WDR72: variants seen among roughly 807,000 people sequenced by gnomAD.
WDR72 encodes the protein WD repeat-containing protein 72.
In WDR72, 120 loss-of-function variants were observed where a neutral mutation model predicts 124.2. The observed-to-expected ratio is 0.97, with a 90% CI of 0.83 to 1.12. The LOEUF is 1.12. Among genes scored for constraint, WDR72 ranks in the 50% most tolerant of loss-of-function variants. The pLI, the probability that WDR72 is intolerant of heterozygous loss-of-function variation, is 0.00. For synonymous variants in WDR72, 452 were observed against 441.7 expected (o/e 1.02, Z -0.29); for missense variants, 1,387 against 1,278.8 (o/e 1.08, Z -1.29).
intron 1 of WDR72, among the ~76,000 whole-genome samples, chr15:53,757,830 C>CT (rs1401649162): frequency 6.6e-6 from 1 of 152,038 alleles, no homozygotes; most frequent in African/African-American, 2.4e-5. Context: ...TTCAAGGTTC[C>CT]TTTAAGTTAT....
chr15:53,570,260 C>T (rs1894462878), intron 18 of WDR72, among the ~76,000 whole-genome samples: 1 of 70,138 alleles, frequency 1.4e-5, no homozygotes. Flanking sequence ...ACCTCATATA[C>T]CATTTTTTTT....
chr15:53,557,096 C>T (rs763296658), intron 18 of WDR72, among the ~76,000 whole-genome samples: 10 of 152,058 alleles, frequency 6.6e-5, no homozygotes, highest in South Asian at 6.2e-4. Context: ...GAGTAAGAAA[C>T]TTCACTTTAA....
chr15:53,647,563 G>A (rs1261290579), intron 14 of WDR72, among the ~76,000 whole-genome samples: 1 of 151,790 alleles, frequency 6.6e-6, no homozygotes, highest in Non-Finnish European at 1.5e-5. Context: ...CCTCTCTCAT[G>A]CTCCCTCTCC....
intron 17 of WDR72, among the ~76,000 whole-genome samples, chr15:53,609,090 G>C (rs1381132562): frequency 6.6e-6 from 1 of 152,002 alleles, no homozygotes; most frequent in Admixed American, 6.6e-5. Context: ...TTGCATGCCT[G>C]TATTAAAATA....
intron 13 of WDR72, among the ~76,000 whole-genome samples, chr15:53,683,595 T>C (rs747297110): frequency 6.6e-6 from 1 of 152,262 alleles, no homozygotes; most frequent in Non-Finnish European, 1.5e-5. Context: ...GCTCTCTTTC[T>C]TACATTATGT....
chr15:53,626,521 G>A (rs1180154977), intron 14 of WDR72, among the ~76,000 whole-genome samples: 1 of 152,190 alleles, frequency 6.6e-6, no homozygotes, highest in African/African-American at 2.4e-5. Context: ...AACAAACACG[G>A]ACCAGAAGAG....
intron 14 of WDR72, among the ~76,000 whole-genome samples, chr15:53,646,237 ACAAC>A (rs1370337156): frequency 6.6e-6 from 1 of 152,158 alleles, no homozygotes; most frequent in Non-Finnish European, 1.5e-5. Context: ...CAAAGGAAAA[ACAAC>A]CAAAGTCCTA....
Position 53,616,513 on chromosome 15 carries a change from G to T in WDR72, c.1963-270C>A, listed in dbSNP as rs375134294. 2.0e-4 allele frequency among the ~76,000 whole-genome samples: 31 copies of T among 151,836 alleles called. No individual in the cohort carries two copies. The South Asian group carries it at 6.2e-3, about 30-fold the overall frequency. ...ATGTCTCTGGAGTAAGATGGCACTA[G>T]ATTAACATCCTTTAATATAGACTCT... On this transcript the variant is annotated intron_variant, in intron 14 of 19. Transcript: ENST00000360509.
chr15:53,576,149 T>A (rs1894746495), intron 18 of WDR72, among the ~76,000 whole-genome samples: 1 of 149,294 alleles, frequency 6.7e-6, no homozygotes. Context: ...CTAAAATAGC[T>A]CTTATGACAT....
chr15:53,597,332 G>A, intron 17 of WDR72, 58 bp from the exon 18 acceptor site: 1 of 1,559,950 alleles, frequency 6.4e-7, no homozygotes, highest in Admixed American at 1.8e-5. Context: ...GCTTGGGTAT[G>A]TTGCAAAAAA....
intron 3 of WDR72, among the ~76,000 whole-genome samples, chr15:53,719,518 G>A: frequency 6.6e-6 from 1 of 152,112 alleles, no homozygotes; most frequent in East Asian, 1.9e-4. Flanking sequence ...ACTTTCAGGA[G>A]ATCACACACT....
intron 11 of WDR72, 31 bp from the exon 12 acceptor site, chr15:53,702,385 G>T (rs2017210614): frequency 6.5e-7 from 1 of 1,529,552 alleles, no homozygotes; most frequent in Non-Finnish European, 9.0e-7. Context: ...AAATAATACA[G>T]ATGTTATTTT....
At chr15:53,685,552 G>A (rs1175675979) in intron 13 of WDR72, among the ~76,000 whole-genome samples, 1 of 144,398 alleles carries the variant, frequency 6.9e-6, no homozygotes, top group Non-Finnish European at 1.5e-5. Flanking sequence ...CAAGAAATAT[G>A]GGACTATGTG....
chr15:53,720,224 G>A (rs905833013), intron 3 of WDR72, among the ~76,000 whole-genome samples: 17 of 151,780 alleles, frequency 1.1e-4, no homozygotes, highest in Middle Eastern at 6.8e-3. Context: ...TACTTGAAAC[G>A]TAAACATATA....
chr15:53,694,459 G>C (rs1355378657), intron 13 of WDR72, among the ~76,000 whole-genome samples: 1 of 152,122 alleles, frequency 6.6e-6, no homozygotes, highest in Non-Finnish European at 1.5e-5. Context: ...TTAGAACTAT[G>C]TGTAAATTTA....
chr15:53,583,082 A>G (rs2012016519), intron 18 of WDR72, among the ~76,000 whole-genome samples: 1 of 151,974 alleles, frequency 6.6e-6, no homozygotes, highest in South Asian at 2.1e-4. Flanking sequence ...GGTGATTTAC[A>G]GAAAAGAACC....
chr15:53,722,731 T>G (rs2017911291), intron 3 of WDR72, 71 bp downstream of exon 3: 1 of 1,347,970 alleles, frequency 7.4e-7, no homozygotes, highest in Non-Finnish European at 1.1e-6. Context: ...AGCCCTAAAA[T>G]TGTATTCCAT....
intron 9 of WDR72, among the ~76,000 whole-genome samples, chr15:53,707,411 G>T (rs1159306259): frequency 2.6e-5 from 4 of 151,200 alleles, no homozygotes; most frequent in African/African-American, 9.7e-5. Context: ...AGAAATAAGA[G>T]CATCACAGAA....
chr15:53,543,353 C>T (rs1893255034), intron 18 of WDR72, among the ~76,000 whole-genome samples: 1 of 152,070 alleles, frequency 6.6e-6, no homozygotes, highest in Non-Finnish European at 1.5e-5. Context: ...CTCAAAACCG[C>T]TCAACTACAT....
Sources: gnomAD v4.1 joint callset for allele counts (sites outside exome capture counted in the v4.1 genomes callset) on GRCh38, gnomAD v4.1.1 for gene constraint, MANE v1.5 for transcripts, NCBI Gene and HGNC (gene_info 2026-07-23, HGNC 2026-07-21) for gene names.